The following DPP10 variants were observed in gnomAD, a reference collection of about 807,000 sequenced individuals.
The protein encoded by DPP10 is inactive dipeptidyl peptidase 10.
In DPP10, 33 loss-of-function variants were observed where a neutral mutation model predicts 120.9. The ratio of observed to expected loss-of-function variants is 0.27; its 90% CI spans 0.21 to 0.37. The LOEUF (loss-of-function observed/expected upper bound fraction) is 0.37, where lower values mean the gene tolerates loss of function less well. Ranked by LOEUF, DPP10 falls within the 10% of genes least tolerant of loss-of-function variation. The probability of loss-of-function intolerance (pLI) is 1.00; values close to 1 mark genes in which losing one functional copy is unlikely to be tolerated. For missense variants in DPP10, 816 were observed against 942.8 expected (o/e 0.87, Z 1.76); for synonymous variants, 337 against 326.1 (o/e 1.03, Z -0.36).
At position 115,682,001 on chromosome 2, in the gene DPP10, G is replaced by C. The variant is rs532584919; in HGVS notation, c.442-7686G>C. ...AAGGGCTTGTAATTTCCTATGTGTT[G>C]AAACAATAATTTTCATCCTTACAAT... On this transcript the variant is annotated intron_variant, in intron 5 of 25. Coordinates refer to ENST00000410059, the MANE Select transcript of DPP10 (RefSeq NM_020868.6). 2.6e-5 allele frequency among the ~76,000 whole-genome samples: 4 copies of C among 151,900 alleles called. No homozygotes were observed. The South Asian group carries it at 8.3e-4, about 31-fold the overall frequency.
At chr2:115,272,773 T>G (rs2105820345) in intron 1 of DPP10, among the ~76,000 whole-genome samples, 1 of 152,360 alleles carries the variant, frequency 6.6e-6, no homozygotes, top group Non-Finnish European at 1.5e-5. Context: ...CTGCACTGGC[T>G]CACATTGGTG....
At chr2:115,396,378 C>T (rs1169027540) in intron 3 of DPP10, among the ~76,000 whole-genome samples, 3 of 152,150 alleles carry the variant, frequency 2.0e-5, no homozygotes, top group Admixed American at 6.6e-5. Context: ...TTGTGTTGCT[C>T]TCCACAAATT....
At chr2:114,557,556 G>A (rs958823943) in intron 1 of DPP10, among the ~76,000 whole-genome samples, 1 of 152,152 alleles carries the variant, frequency 6.6e-6, no homozygotes, top group Non-Finnish European at 1.5e-5. Flanking sequence ...CAAGCCAGCA[G>A]TGAGGGTTTG....
Position 115,750,955 on chromosome 2 carries a change from T to G in DPP10, c.951-2219T>G, listed in dbSNP as rs182828461. On this transcript the variant is annotated intron_variant, in intron 10 of 25. Coordinates refer to ENST00000410059, the MANE Select transcript of DPP10 (RefSeq NM_020868.6). ...ATTTTTAAAATTATTCATGTTAGTTTGTTACCTCATATTGCACAAAATATA... is the reference window on the plus strand; with the variant it reads ...ATTTTTAAAATTATTCATGTTAGTTGGTTACCTCATATTGCACAAAATATA... 2.2e-4 allele frequency among the ~76,000 whole-genome samples: 34 copies of G among 152,312 alleles called. No homozygotes were observed. The East Asian group carries it at 3.1e-3, about 14-fold the overall frequency.
Position 115,843,152 on chromosome 2 carries a change from C to T in DPP10, c.*807C>T, listed in dbSNP as rs575885213. 1 of 152,592 alleles carries T rather than the reference C, an allele frequency of 6.6e-6. No homozygotes were observed. The highest frequency in any genetic ancestry group is 2.4e-5 in the African/African-American group (1 of 41,528). The allele number at this position is 152,592 out of a possible 1,614,324, so 9.5% of individuals were successfully genotyped here. A position where few individuals can be genotyped will look rare whatever the true frequency, so the allele number is the denominator to read the frequency against. ...GCCAAATATGATGAAACATTTTTTC[C>T]AATTCAAATTCTAGCTATTGCTTTC... On this transcript the variant is annotated 3_prime_UTR_variant, in exon 26 of 26. Transcript: ENST00000410059.
intron 1 of DPP10, among the ~76,000 whole-genome samples, chr2:114,554,681 C>T (rs1171520467): frequency 6.6e-6 from 1 of 152,182 alleles, no homozygotes; most frequent in Non-Finnish European, 1.5e-5. Flanking sequence ...TAAGTGGAGA[C>T]ATGGCATGTC....
At chr2:115,119,549 T>A (rs1292983562) in intron 1 of DPP10, among the ~76,000 whole-genome samples, 1 of 152,158 alleles carries the variant, frequency 6.6e-6, no homozygotes, top group African/African-American at 2.4e-5. Flanking sequence ...TTATTTGGTA[T>A]AATGGATGAA....
intron 1 of DPP10, among the ~76,000 whole-genome samples, chr2:115,107,258 T>A (rs1165129681): frequency 6.6e-6 from 1 of 151,922 alleles, no homozygotes; most frequent in Admixed American, 6.6e-5. Context: ...GATTTGACAG[T>A]CTATTGTTCA....
intron 1 of DPP10, among the ~76,000 whole-genome samples, chr2:114,693,114 A>T (rs1207049357): frequency 5.9e-5 from 9 of 151,916 alleles, no homozygotes; most frequent in Admixed American, 2.0e-4. Flanking sequence ...ATTTGATCCT[A>T]TCATCATGAT....
At chr2:115,176,238 TTA>T (rs1274145297) in intron 1 of DPP10, among the ~76,000 whole-genome samples, 1 of 148,950 alleles carries the variant, frequency 6.7e-6, no homozygotes, top group Non-Finnish European at 1.5e-5. Context: ...TCTATACTAT[TTA>T]TATATGTTGT....
chr2:114,549,391 G>A (rs1687685283), intron 1 of DPP10, among the ~76,000 whole-genome samples: 1 of 152,034 alleles, frequency 6.6e-6, no homozygotes, highest in Non-Finnish European at 1.5e-5. Context: ...AACCTGGAGC[G>A]GCAGCTCACG....
intron 8 of DPP10, among the ~76,000 whole-genome samples, chr2:115,735,882 G>A (rs1218244786): frequency 4.0e-5 from 6 of 151,786 alleles, no homozygotes; most frequent in Non-Finnish European, 1.5e-5. Flanking sequence ...CCATCGACCA[G>A]TACTATTGGG....
intron 1 of DPP10, among the ~76,000 whole-genome samples, chr2:114,945,660 C>T (rs186691044): frequency 7.9e-5 from 12 of 152,012 alleles, no homozygotes; most frequent in Admixed American, 3.3e-4. Flanking sequence ...ACTAAAAATA[C>T]AAAAAATTAG....
At chr2:115,449,440 G>T (rs1372257897) in intron 3 of DPP10, among the ~76,000 whole-genome samples, 1 of 152,012 alleles carries the variant, frequency 6.6e-6, no homozygotes, top group Non-Finnish European at 1.5e-5. Flanking sequence ...ACAAGAGAGT[G>T]GGGGGCCAAT....
intron 8 of DPP10, among the ~76,000 whole-genome samples, chr2:115,737,753 A>C (rs1317508203): frequency 6.6e-6 from 1 of 152,214 alleles, no homozygotes; most frequent in African/African-American, 2.4e-5. Context: ...TCAAAGTCCA[A>C]AGAATTCAAT....
intron 5 of DPP10, among the ~76,000 whole-genome samples, chr2:115,653,633 G>C (rs1461586919): frequency 6.6e-6 from 1 of 151,890 alleles, no homozygotes; most frequent in Non-Finnish European, 1.5e-5. Flanking sequence ...CAATGTGTAT[G>C]TTCTTTCTTT....
intron 1 of DPP10, among the ~76,000 whole-genome samples, chr2:115,182,509 T>C (rs894342935): frequency 2.0e-5 from 3 of 152,226 alleles, no homozygotes; most frequent in Non-Finnish European, 4.4e-5. Flanking sequence ...AATATAATTC[T>C]CTATGAAATA....
chr2:114,548,777 G>T (rs988677271), intron 1 of DPP10, among the ~76,000 whole-genome samples: 4 of 152,170 alleles, frequency 2.6e-5, no homozygotes, highest in Admixed American at 6.5e-5. Context: ...TTCTCTCCAC[G>T]CCTGAGTGTT....
chr2:114,830,821 A>G (rs1377397527), intron 1 of DPP10, among the ~76,000 whole-genome samples: 1 of 152,032 alleles, frequency 6.6e-6, no homozygotes, highest in African/African-American at 2.4e-5. Flanking sequence ...CTGGAGAGGC[A>G]ATTGATTTGA....
Sources: allele counts gnomAD v4.1 joint callset (sites outside exome capture counted in the v4.1 genomes callset), GRCh38; gene constraint gnomAD v4.1.1; transcripts MANE v1.5; gene names NCBI Gene and HGNC (gene_info 2026-07-23, HGNC 2026-07-21).